The following TCERG1L variants were observed in gnomAD, a reference collection of about 807,000 sequenced individuals.
TCERG1L encodes transcription elongation regulator 1-like protein.
TCERG1L carries 37 observed loss-of-function variants against 56.3 expected under a neutral mutation model. The ratio of observed to expected loss-of-function variants is 0.66; its 90% CI spans 0.51 to 0.87. The LOEUF is 0.87. TCERG1L is among the 40% of genes least tolerant of loss of function. The pLI, the probability that TCERG1L is intolerant of heterozygous loss-of-function variation, is 0.00. For missense variants in TCERG1L, 799 were observed against 774.2 expected (o/e 1.03, Z -0.38); for synonymous variants, 324 against 326.3 (o/e 0.99, Z 0.08).
At chr10:131,204,355 C>T (rs556252425) in intron 4 of TCERG1L, among the ~76,000 whole-genome samples, 1 of 152,344 alleles carries the variant, frequency 6.6e-6, no homozygotes, top group South Asian at 2.1e-4. Context: ...AGTGGGCTGG[C>T]CCGATGGCCC....
At chr10:131,136,810 C>G (rs1233625544) in intron 7 of TCERG1L, among the ~76,000 whole-genome samples, 2 of 151,842 alleles carry the variant, frequency 1.3e-5, no homozygotes, top group Non-Finnish European at 2.9e-5. Flanking sequence ...CCAGGCATTT[C>G]TACTTCCTGG....
At chr10:131,104,900 A>T (rs905818860) in intron 9 of TCERG1L, among the ~76,000 whole-genome samples, 1 of 152,272 alleles carries the variant, frequency 6.6e-6, no homozygotes, top group Non-Finnish European at 1.5e-5. Flanking sequence ...CGTCGTTAAC[A>T]TATTAGTAGG....
chr10:131,282,139 A>G (rs1162242232), intron 3 of TCERG1L, among the ~76,000 whole-genome samples: 10 of 33,026 alleles, frequency 3.0e-4, no homozygotes, highest in East Asian at 0.012. Flanking sequence ...CCATCTCAGA[A>G]AAAAAAAAAA....
At chr10:131,228,066 C>T (rs1291235498) in intron 4 of TCERG1L, among the ~76,000 whole-genome samples, 1 of 151,784 alleles carries the variant, frequency 6.6e-6, no homozygotes, top group Non-Finnish European at 1.5e-5. Flanking sequence ...CATTGCAGGG[C>T]TATGTTTCTG....
chr10:131,116,370 G>C (rs1048609886), intron 9 of TCERG1L, among the ~76,000 whole-genome samples: 1 of 152,168 alleles, frequency 6.6e-6, no homozygotes, highest in Non-Finnish European at 1.5e-5. Context: ...AGCTCCCACA[G>C]GAACCCCATC....
intron 3 of TCERG1L, among the ~76,000 whole-genome samples, chr10:131,292,446 C>T (rs1866353): frequency 0.43 from 64,666 of 151,982 alleles, 14,630 homozygotes; most frequent in East Asian, 0.6. Context: ...TTACATTTTC[C>T]CCAATACTTT....
In TCERG1L at chr10:131,311,513, C is replaced by G; in HGVS notation, c.123G>C (p.Trp41Cys). 1 of 1,207,094 alleles carries G rather than the reference C, an allele frequency of 8.3e-7. No individual in the cohort carries two copies. The highest frequency in any genetic ancestry group is 1.0e-6 in the Non-Finnish European group (1 of 968,926). 74.8% of individuals were successfully genotyped at this position (1,207,094 alleles called of 1,614,324 possible). A position where few individuals can be genotyped will look rare whatever the true frequency, so the allele number is the denominator to read the frequency against. Residue 41 changes from tryptophan (W) to cysteine (C), a missense_variant, in exon 1 of 12, where the codon TGG (tryptophan) becomes TGC (cysteine). Coordinates refer to ENST00000368642, the MANE Select transcript of TCERG1L (RefSeq NM_174937.4). The surrounding 1 kb of genome is among the most constrained non-coding windows in gnomAD (Gnocchi z 4.0). ...AEPPPPPPWV[W>C]MVPGSAGLLR... ...GCAGCCCGGCCGAGCCCGGCACCAT[C>G]CAGACCCAGGGCGGCGGCGGCGGCG...
In TCERG1L at chr10:131,308,128, T is replaced by G. The variant is rs1012790715; in HGVS notation, c.670+83A>C. 1.7e-4 allele frequency: 216 copies of G among 1,234,416 alleles called. 3 individuals are homozygous for G. The South Asian group carries it at 2.5e-3, about 14-fold the overall frequency. 76.5% of individuals were successfully genotyped at this position (1,234,416 alleles called of 1,614,324 possible). On this transcript the variant is annotated intron_variant, in intron 3 of 11. Coordinates refer to ENST00000368642, the MANE Select transcript of TCERG1L (RefSeq NM_174937.4). ...CAAGATAATTGTTTCATTAAAATGA[T>G]GAGTATGGTTTTCATATCTAAAACT...
rs1845766163 is a variant in TCERG1L, at chr10:131,143,875, A to G, written c.1189+2631T>C. Among the ~76,000 whole-genome samples, 3 of 152,378 alleles carry G rather than the reference A, an allele frequency of 2.0e-5. No individual in the cohort carries two copies. In the South Asian group the frequency reaches 6.2e-4, roughly 32 times the overall value. ...AAAAATCTGGATGCACCGCAAGGTAATTAGAAAATAATTCAAGACTTTGCT... is the reference window on the plus strand; with the variant it reads ...AAAAATCTGGATGCACCGCAAGGTAGTTAGAAAATAATTCAAGACTTTGCT... On this transcript the variant is annotated intron_variant, in intron 7 of 11. Transcript: ENST00000368642.
At chr10:131,223,531 T>C (rs1845758021) in intron 4 of TCERG1L, among the ~76,000 whole-genome samples, 2 of 152,110 alleles carry the variant, frequency 1.3e-5, no homozygotes, top group African/African-American at 4.8e-5. Flanking sequence ...ATTATAAACA[T>C]ACTTCTGTGC....
chr10:131,285,214 C>A (rs1408910586), intron 3 of TCERG1L, among the ~76,000 whole-genome samples: 1 of 151,836 alleles, frequency 6.6e-6, no homozygotes, highest in Non-Finnish European at 1.5e-5. Flanking sequence ...CCTGTCTCTA[C>A]TAAAAATACA....
At chr10:131,256,988 G>A (rs148708005) in intron 4 of TCERG1L, among the ~76,000 whole-genome samples, 2,005 of 72,404 alleles carry the variant, frequency 0.028, 55 homozygotes, top group Middle Eastern at 0.062. Flanking sequence ...AAGGAAGGAA[G>A]GAAGGAAAGA....
intron 5 of TCERG1L, chr10:131,164,162 A>T (rs1324850825): frequency 1.3e-5 from 2 of 151,336 alleles, no homozygotes; most frequent in African/African-American, 4.8e-5. Context: ...GAAAAAAAAA[A>T]GAAAATTTAT....
intron 7 of TCERG1L, among the ~76,000 whole-genome samples, chr10:131,141,505 T>C (rs1045846481): frequency 1.3e-5 from 2 of 152,178 alleles, no homozygotes; most frequent in African/African-American, 4.8e-5. Flanking sequence ...CATCTGCTCA[T>C]CTTTGGCGTC....
intron 8 of TCERG1L, among the ~76,000 whole-genome samples, chr10:131,127,727 A>T (rs1380182065): frequency 6.6e-6 from 1 of 152,058 alleles, no homozygotes; most frequent in East Asian, 1.9e-4. Context: ...ACAGACCTGG[A>T]GACAGGTCCC....
intron 8 of TCERG1L, among the ~76,000 whole-genome samples, chr10:131,132,443 C>A (rs1393166274): frequency 6.6e-6 from 1 of 152,214 alleles, no homozygotes; most frequent in Non-Finnish European, 1.5e-5. Context: ...TGTTGAAATG[C>A]CAACTGTTGG....
At chr10:131,098,220 T>C in intron 11 of TCERG1L, 86 bp downstream of exon 11, 1 of 1,420,900 alleles carries the variant, frequency 7.0e-7, no homozygotes, top group Non-Finnish European at 9.5e-7. Flanking sequence ...GGTTACACGA[T>C]TTAACAAAAA....
chr10:131,276,025 G>A (rs574658702), intron 3 of TCERG1L, among the ~76,000 whole-genome samples: 6 of 152,220 alleles, frequency 3.9e-5, no homozygotes, highest in African/African-American at 1.4e-4. Context: ...GCAGGATCCT[G>A]CTCCAAGGCC....
At chr10:131,265,897 C>A (rs1846280144) in intron 3 of TCERG1L, among the ~76,000 whole-genome samples, 1 of 152,232 alleles carries the variant, frequency 6.6e-6, no homozygotes. Context: ...AAGACAACAG[C>A]AACGCTTGCT....
Sources: allele counts gnomAD v4.1 joint callset (sites outside exome capture counted in the v4.1 genomes callset), GRCh38; gene constraint gnomAD v4.1.1; non-coding constraint Gnocchi (gnomAD v3.1); transcripts MANE v1.5; gene names NCBI Gene and HGNC (gene_info 2026-07-23, HGNC 2026-07-21).